The following NTRK3 variants were observed in gnomAD, a reference collection of about 807,000 sequenced individuals.
NTRK3 encodes NT-3 growth factor receptor.
A neutral mutation model predicts 91.7 loss-of-function variants in NTRK3; 24 were observed. The ratio of observed to expected loss-of-function variants is 0.26; its 90% confidence interval spans 0.19 to 0.37. The LOEUF is 0.37. Among genes scored for constraint, NTRK3 ranks in the 10% least tolerant of loss-of-function variants. The pLI is 1.00. For missense variants in NTRK3, 880 were observed against 1,068.9 expected (o/e 0.82, Z 2.46); for synonymous variants, 483 against 404.0 (o/e 1.20, Z -2.34).
intron 3 of NTRK3, among the ~76,000 whole-genome samples, chr15:88,198,835 A>C (rs946376078): frequency 6.6e-6 from 1 of 152,136 alleles, no homozygotes. Context: ...CAAGGGCCCA[A>C]GAAGCACAAA....
chr15:88,094,495 A>AG (rs2049379052), intron 13 of NTRK3, among the ~76,000 whole-genome samples: 1 of 151,144 alleles, frequency 6.6e-6, no homozygotes, highest in African/African-American at 2.4e-5. Flanking sequence ...AAAAAAAAAA[A>AG]AAAAAAAGAA....
intron 17 of NTRK3, among the ~76,000 whole-genome samples, chr15:87,891,715 G>A (rs1357812332): frequency 6.6e-6 from 1 of 152,080 alleles, no homozygotes; most frequent in Non-Finnish European, 1.5e-5. Flanking sequence ...AGATGCCACA[G>A]TTTCTCCCAC....
At chr15:88,026,603 A>G (rs1020656775) in intron 14 of NTRK3, among the ~76,000 whole-genome samples, 1 of 152,210 alleles carries the variant, frequency 6.6e-6, no homozygotes, top group African/African-American at 2.4e-5. Flanking sequence ...CTTGTCCAAC[A>G]CAAGCAGTGA....
chr15:88,049,589 C>T (rs1429158792), intron 13 of NTRK3, among the ~76,000 whole-genome samples: 4 of 152,204 alleles, frequency 2.6e-5, no homozygotes, highest in Non-Finnish European at 4.4e-5. Flanking sequence ...CAAGCCTTAT[C>T]TGAATAATGT....
chr15:88,154,183 C>T (rs959280158), intron 5 of NTRK3, among the ~76,000 whole-genome samples: 16 of 151,678 alleles, frequency 1.1e-4, no homozygotes, highest in African/African-American at 3.9e-4. Context: ...CTCCAAGAGC[C>T]AGGGAACCTA....
At chr15:87,945,821 A>C (rs1018721086) in intron 14 of NTRK3, among the ~76,000 whole-genome samples, 150 of 151,780 alleles carry the variant, frequency 9.9e-4, no homozygotes, top group African/African-American at 2.5e-3. Context: ...AAAAAAAAAA[A>C]AAAAAAAACA....
chr15:88,200,813 C>A (rs1024729686), intron 3 of NTRK3, among the ~76,000 whole-genome samples: 1 of 152,198 alleles, frequency 6.6e-6, no homozygotes, highest in Admixed American at 6.5e-5. Flanking sequence ...TCCCTCCAAG[C>A]CTACTGGAAG....
chr15:88,218,200 G>A (rs1473753219), intron 3 of NTRK3, among the ~76,000 whole-genome samples: 1 of 152,196 alleles, frequency 6.6e-6, no homozygotes, highest in Non-Finnish European at 1.5e-5. Flanking sequence ...TGAAATGGGA[G>A]CATCTGCCTT....
chr15:88,213,950 A>G (rs1597992140), intron 3 of NTRK3, among the ~76,000 whole-genome samples: 1 of 152,118 alleles, frequency 6.6e-6, no homozygotes, highest in Non-Finnish European at 1.5e-5. Flanking sequence ...GTGGTGGCAC[A>G]TGTCTGTAGT....
chr15:88,203,608 TA>T (rs2048481602), intron 3 of NTRK3, among the ~76,000 whole-genome samples: 1 of 152,182 alleles, frequency 6.6e-6, no homozygotes, highest in Admixed American at 6.5e-5. Context: ...ATGGAAGAAA[TA>T]AGACCTAATG....
intron 17 of NTRK3, among the ~76,000 whole-genome samples, chr15:87,899,380 C>T (rs1231404755): frequency 6.7e-6 from 1 of 149,788 alleles, no homozygotes; most frequent in East Asian, 2.0e-4. Flanking sequence ...CCTCCTTTCT[C>T]CTTCCCCCAC....
chr15:87,966,302 A>G lies in NTRK3; in HGVS notation c.1586-25549T>C, dbSNP rs1209519351. Among the ~76,000 whole-genome samples the G allele has an allele frequency of 2.6e-5, 4 of 152,234 alleles. No homozygotes were observed. In the East Asian group the frequency reaches 7.7e-4, roughly 29 times the overall value. On this transcript the variant is annotated intron_variant, in intron 14 of 18. Coordinates refer to ENST00000394480, the Ensembl canonical transcript of NTRK3. ...AAGTTATAAATCAAGCTAACACACT[A>G]ATAAATAAGGCATGTCTTATCCTCC...
At chr15:87,868,719 C>T in exon 19 of NTRK3, 1 of 220,902 alleles carries the variant, frequency 4.5e-6, no homozygotes, top group Non-Finnish European at 9.1e-6. Context: ...GCTGTTGTGC[C>T]ACAATGTGGA....
In NTRK3 at chr15:88,119,756, C is replaced by T. The variant is rs542399014; in HGVS notation, c.1396+6515G>A. Among the ~76,000 whole-genome samples the T allele has an allele frequency of 3.3e-5, 5 of 152,350 alleles. No individual in the cohort carries two copies. The East Asian group carries it at 9.6e-4, about 29-fold the overall frequency. On this transcript the variant is annotated intron_variant, in intron 13 of 18. Coordinates refer to ENST00000394480, the Ensembl canonical transcript of NTRK3. ...CTTGGGAAGCCAGGAAACCCAATTC[C>T]TTTACCCAGTTTCATTTCCGCCTTG...
chr15:87,987,934 T>C (rs561740848), intron 14 of NTRK3, among the ~76,000 whole-genome samples: 18 of 152,066 alleles, frequency 1.2e-4, no homozygotes, highest in African/African-American at 4.3e-4. Flanking sequence ...TTAATAAATC[T>C]CCCTTACAGA....
intron 11 of NTRK3, among the ~76,000 whole-genome samples, chr15:88,127,548 G>GA (rs1189300545): frequency 2.0e-5 from 3 of 152,266 alleles, no homozygotes; most frequent in South Asian, 2.1e-4. Context: ...CTATAGAACA[G>GA]AAAAAAAGAA....
At chr15:87,983,226 G>A (rs1299875651) in intron 14 of NTRK3, among the ~76,000 whole-genome samples, 1 of 152,196 alleles carries the variant, frequency 6.6e-6, no homozygotes, top group Admixed American at 6.5e-5. Flanking sequence ...CCCTAGCATG[G>A]GCTGAAATAC....
At chr15:87,899,929 C>G (rs1271746971) in intron 17 of NTRK3, among the ~76,000 whole-genome samples, 1 of 152,104 alleles carries the variant, frequency 6.6e-6, no homozygotes, top group African/African-American at 2.4e-5. Flanking sequence ...ACACCTAAAG[C>G]TTTCTTGGGA....
intron 17 of NTRK3, among the ~76,000 whole-genome samples, chr15:87,919,493 T>C (rs1344957956): frequency 6.6e-6 from 1 of 152,206 alleles, no homozygotes; most frequent in Non-Finnish European, 1.5e-5. Context: ...CTTTTCTGTA[T>C]TCAGTTCTAT....
Sources: allele counts gnomAD v4.1 joint callset (sites outside exome capture counted in the v4.1 genomes callset), GRCh38; gene constraint gnomAD v4.1.1; transcripts MANE v1.5; gene names NCBI Gene and HGNC (gene_info 2026-07-23, HGNC 2026-07-21).